The following GSDME variants were observed in gnomAD, a reference collection of about 807,000 sequenced individuals.
The protein encoded by GSDME is gasdermin E.
GSDME carries 44 observed loss-of-function variants against 47.5 expected under a neutral mutation model. That is an observed-to-expected ratio of 0.93 (90% CI 0.73 to 1.19). The LOEUF (loss-of-function observed/expected upper bound fraction) is 1.19. Among genes scored for constraint, GSDME ranks in the 50% most tolerant of loss-of-function variants. The probability of loss-of-function intolerance (pLI) is 0.00; values close to 1 mark genes in which losing one functional copy is unlikely to be tolerated. For synonymous variants in GSDME, 258 were observed against 252.8 expected, an observed-to-expected ratio of 1.02 and a Z score of -0.20; for missense variants, 663 against 604.2, an observed-to-expected ratio of 1.10 and a Z score of -1.02.
At chr7:24,790,387 C>T in the GSDME span, among the ~76,000 whole-genome samples, 1 of 152,332 alleles carries the variant, frequency 6.6e-6, no homozygotes, top group East Asian at 1.9e-4. This position sits in a 1 kb window ranked among gnomAD's most constrained non-coding sequence, Gnocchi z 4.1. Flanking sequence ...CATTCATCAA[C>T]TTTCCAATTA....
At chr7:24,781,181 C>A in the GSDME span, among the ~76,000 whole-genome samples, 1 of 152,108 alleles carries the variant, frequency 6.6e-6, no homozygotes, top group Non-Finnish European at 1.5e-5. Context: ...TCAGTGTGAC[C>A]ACAGACAGGC....
At position 24,712,470 on chromosome 7, in the gene GSDME, C is replaced by T. The variant is rs1003548571; in HGVS notation, c.698-2082G>A. On this transcript the variant is annotated intron_variant, in intron 5 of 9. Coordinates refer to ENST00000645220, the MANE Select transcript of GSDME (RefSeq NM_001127453.2). The surrounding 1 kb of genome is among the most constrained non-coding windows in gnomAD (Gnocchi z 4.4). ...CACCAATTAATTCCTTCATTCTTTT[C>T]ATCCATCCATCCCCAGCCAGCCAGC... 2.6e-5 allele frequency among the ~76,000 whole-genome samples: 4 copies of T among 152,230 alleles called. No homozygotes were observed. The highest frequency in any genetic ancestry group is 2.4e-5 in the African/African-American group (1 of 41,446).
chr7:24,779,577 A>G, the GSDME span, among the ~76,000 whole-genome samples: 1 of 151,572 alleles, frequency 6.6e-6, no homozygotes. The surrounding 1 kb of genome is among the most constrained non-coding windows in gnomAD (Gnocchi z 6.0). Context: ...AAAAAAAAAG[A>G]AAACAGAAAA....
At position 24,702,740 on chromosome 7, in the gene GSDME, C is replaced by A. The variant is rs562789041; in HGVS notation, c.1257+20G>T. 7 of 1,610,290 alleles carry A rather than the reference C, an allele frequency of 4.3e-6. No individual in the cohort carries two copies. In the African/African-American group the frequency reaches 6.7e-5, roughly 15 times the overall value. ...CCCCATTCCTATCCATTCTAAGGTC[C>A]CACCTGGGAGGTTGCTTACCAAGTG... On this transcript the variant is annotated intron_variant, in intron 9 of 9. Coordinates refer to ENST00000645220, the MANE Select transcript of GSDME (RefSeq NM_001127453.2).
At chr7:24,703,139 C>G (rs1323073253) in intron 8 of GSDME, 1 of 366,286 alleles carries the variant, frequency 2.7e-6, no homozygotes, top group Non-Finnish European at 5.3e-6. Context: ...CATGGAAAAG[C>G]AGACCCTGCC....
At chr7:24,765,790 T>C in the GSDME span, among the ~76,000 whole-genome samples, 3 of 152,256 alleles carry the variant, frequency 2.0e-5, no homozygotes, top group Admixed American at 6.5e-5. Flanking sequence ...GGATTGCTTA[T>C]TTTTGTCCAG....
the GSDME span, among the ~76,000 whole-genome samples, chr7:24,766,124 A>T: frequency 2.6e-5 from 4 of 151,978 alleles, no homozygotes; most frequent in Non-Finnish European, 5.9e-5. This position sits in a 1 kb window ranked among gnomAD's most constrained non-coding sequence, Gnocchi z 4.2. Flanking sequence ...GTGACTCCTA[A>T]AACAACTCCT....
At chr7:24,747,133 C>T (rs1790692605) in intron 2 of GSDME, among the ~76,000 whole-genome samples, 1 of 152,222 alleles carries the variant, frequency 6.6e-6, no homozygotes, top group African/African-American at 2.4e-5. Flanking sequence ...GGTAAAACTC[C>T]AATTACTCAG....
chr7:24,729,775 T>C (rs1225165713), intron 3 of GSDME, among the ~76,000 whole-genome samples: 1 of 152,170 alleles, frequency 6.6e-6, no homozygotes, highest in Non-Finnish European at 1.5e-5. Context: ...AAAGCATGGC[T>C]CTGTTGCACA....
chr7:24,717,002 G>A (rs538307177), intron 5 of GSDME: 56 of 521,028 alleles, frequency 1.1e-4, no homozygotes, highest in Middle Eastern at 5.7e-4. Context: ...CTACTGTGCT[G>A]GTGGAACTTT....
intron 7 of GSDME, chr7:24,707,283 G>A (rs1481916037): frequency 2.1e-6 from 1 of 469,146 alleles, no homozygotes; most frequent in Non-Finnish European, 4.4e-6. Context: ...CAAAACTGTA[G>A]TCAAAATCAG....
chr7:24,767,064 C>T, the GSDME span, among the ~76,000 whole-genome samples: 1 of 152,214 alleles, frequency 6.6e-6, no homozygotes, highest in Non-Finnish European at 1.5e-5. The surrounding 1 kb of genome is among the most constrained non-coding windows in gnomAD (Gnocchi z 5.3). Context: ...TGGCTCACAC[C>T]TGTCATCCCA....
At chr7:24,789,517 G>C in the GSDME span, among the ~76,000 whole-genome samples, 3 of 152,322 alleles carry the variant, frequency 2.0e-5, no homozygotes, top group East Asian at 5.8e-4. Context: ...CCGGTAATCA[G>C]AACGGAACAG....
At position 24,744,315 on chromosome 7, in the gene GSDME, GTACA is replaced by G; in HGVS notation, c.404+243_404+246del. On this transcript the variant is annotated intron_variant, in intron 3 of 9. Transcript: ENST00000645220. This position sits in a 1 kb window ranked among gnomAD's most constrained non-coding sequence, Gnocchi z 4.5. ...TTTATAAATCATGTGATTGAAGGAA[GTACA>G]TATTTGCCTGAAGTAACATCCTTTG... 3 of 548,678 alleles carry G rather than the reference GTACA, an allele frequency of 5.5e-6. No individual in the cohort carries two copies. The highest frequency in any genetic ancestry group is 9.8e-6 in the Non-Finnish European group (3 of 305,288). The allele number at this position is 548,678 out of a possible 1,614,324, so 34.0% of individuals were successfully genotyped here.
At chr7:24,711,883 G>A (rs1320197241) in intron 5 of GSDME, among the ~76,000 whole-genome samples, 1 of 150,622 alleles carries the variant, frequency 6.6e-6, no homozygotes, top group African/African-American at 2.4e-5. Context: ...ACCCAGCTAA[G>A]GTATCTAAGG....
chr7:24,709,210 G>A (rs1372735560), intron 6 of GSDME, among the ~76,000 whole-genome samples: 7 of 152,174 alleles, frequency 4.6e-5, no homozygotes, highest in African/African-American at 1.7e-4. Context: ...AGCTCCCACT[G>A]CACCCCTGCT....
rs936081411 is a variant in GSDME, at chr7:24,735,768, TAAATAAATA to T, written c.404+8785_404+8793del. Reference sequence around the variant, plus strand: ...AGCAAAACTCTATCTCAAAAATAAATAAATAAATAAATAAATAAATAAATAAATAAATAA... The same window carrying T: ...AGCAAAACTCTATCTCAAAAATAAATAATAAATAAATAAATAAATAAATAA... On this transcript the variant is annotated intron_variant, in intron 3 of 9. Transcript: ENST00000645220. The surrounding 1 kb of genome is among the most constrained non-coding windows in gnomAD (Gnocchi z 4.4). 1.0e-4 allele frequency among the ~76,000 whole-genome samples: 7 copies of T among 69,652 alleles called. No individual in the cohort carries two copies. The highest frequency in any genetic ancestry group is 4.6e-4 in the African/African-American group (7 of 15,298). 45.7% of individuals were successfully genotyped at this position (69,652 alleles called of 152,430 possible).
chr7:24,710,517 A>ATC, intron 5 of GSDME, 129 bp from the exon 6 acceptor site: 3 of 855,508 alleles, frequency 3.5e-6, no homozygotes, highest in Non-Finnish European at 5.8e-6. Flanking sequence ...AGACCCATCC[A>ATC]TCTTCCCCAT....
At chr7:24,719,413 G>T (rs1233983350) in intron 3 of GSDME, among the ~76,000 whole-genome samples, 195 bp from the exon 4 acceptor site, 1 of 152,198 alleles carries the variant, frequency 6.6e-6, no homozygotes, top group Non-Finnish European at 1.5e-5. Context: ...CCTCAGAGCT[G>T]CCGGGCCTCT....
Sources: allele counts gnomAD v4.1 joint callset (sites outside exome capture counted in the v4.1 genomes callset), GRCh38; gene constraint gnomAD v4.1.1; non-coding constraint Gnocchi (gnomAD v3.1); transcripts MANE v1.5; gene names NCBI Gene and HGNC (gene_info 2026-07-23, HGNC 2026-07-21).